The following INSYN2B variants were observed in gnomAD, a reference collection of about 807,000 sequenced individuals.
INSYN2B encodes protein INSYN2B.
Under a neutral mutation model 41.2 loss-of-function variants are expected in INSYN2B, and 16 were observed. That is an observed-to-expected ratio of 0.39 (90% CI 0.26 to 0.59). The LOEUF (loss-of-function observed/expected upper bound fraction) is 0.59, where lower values mean the gene tolerates loss of function less well. Ranked by LOEUF, INSYN2B falls within the 20% of genes least tolerant of loss-of-function variation. The probability of loss-of-function intolerance (pLI) is 0.57; values close to 1 mark genes in which losing one functional copy is unlikely to be tolerated. For missense variants in INSYN2B, 608 were observed against 646.4 expected (o/e 0.94, Z 0.64); for synonymous variants, 245 against 244.4 (o/e 1.00, Z -0.02).
At chr5:169,887,945 G>T (rs72842517) in intron 1 of INSYN2B, among the ~76,000 whole-genome samples, 1,933 of 152,284 alleles carry the variant, frequency 0.013, 20 homozygotes, top group Non-Finnish European at 0.019. Context: ...AAGTAGAAAA[G>T]AAATTGTATC....
chr5:169,908,507 T>G (rs1367048368), intron 1 of INSYN2B, among the ~76,000 whole-genome samples: 2 of 152,022 alleles, frequency 1.3e-5, no homozygotes, highest in Non-Finnish European at 2.9e-5. Context: ...AATAGAGAAA[T>G]GAACACAAAT....
intron 1 of INSYN2B, among the ~76,000 whole-genome samples, chr5:169,936,327 G>A (rs1195656291): frequency 6.6e-6 from 1 of 152,062 alleles, no homozygotes; most frequent in Non-Finnish European, 1.5e-5. Context: ...GGGTTCCTAG[G>A]GCAAAACATT....
At chr5:169,947,853 T>C (rs1776507452) in intron 1 of INSYN2B, among the ~76,000 whole-genome samples, 1 of 151,772 alleles carries the variant, frequency 6.6e-6, no homozygotes, top group Non-Finnish European at 1.5e-5. Context: ...ACCTACAGCA[T>C]ACATGGTGCC....
intron 1 of INSYN2B, among the ~76,000 whole-genome samples, chr5:169,957,018 G>A (rs1776896384): frequency 6.6e-6 from 1 of 151,828 alleles, no homozygotes; most frequent in South Asian, 2.1e-4. Flanking sequence ...CATTGTTCTG[G>A]AGAGTTTATT....
intron 1 of INSYN2B, among the ~76,000 whole-genome samples, chr5:169,914,888 A>G (rs1485566570): frequency 6.6e-6 from 1 of 152,242 alleles, no homozygotes; most frequent in East Asian, 1.9e-4. Flanking sequence ...AGACTGACAT[A>G]ACTGTTGTTG....
At chr5:169,971,694 C>T (rs1777514558) in intron 1 of INSYN2B, among the ~76,000 whole-genome samples, 1 of 152,196 alleles carries the variant, frequency 6.6e-6, no homozygotes, top group Admixed American at 6.5e-5. Context: ...TTCTTTAGTT[C>T]TCAAGACCTC....
chr5:169,954,312 A>T (rs1189704483), intron 1 of INSYN2B, among the ~76,000 whole-genome samples: 4 of 152,274 alleles, frequency 2.6e-5, no homozygotes, highest in African/African-American at 7.2e-5. Flanking sequence ...GTGTAATAAA[A>T]TTTTTATGAA....
chr5:169,954,482 C>A lies in INSYN2B; in HGVS notation c.-919+25795G>T. Among the ~76,000 whole-genome samples, 2 of 152,206 alleles carry A rather than the reference C, an allele frequency of 1.3e-5. 1 individual carries two copies. The highest frequency in any genetic ancestry group is 2.9e-5 in the Non-Finnish European group (2 of 68,044). ...AGGTAAGGCAATAGATGAAGGCAGTCAGGCAGGGACCAGAAAGACCTCTTG... is the reference window on the plus strand; with the variant it reads ...AGGTAAGGCAATAGATGAAGGCAGTAAGGCAGGGACCAGAAAGACCTCTTG... On this transcript the variant is annotated intron_variant, in intron 1 of 3. Transcript: ENST00000377365.
At chr5:169,901,923 A>G (rs1406467360) in intron 1 of INSYN2B, among the ~76,000 whole-genome samples, 1 of 152,134 alleles carries the variant, frequency 6.6e-6, no homozygotes, top group Non-Finnish European at 1.5e-5. Flanking sequence ...GGCTCTGGGG[A>G]CCACAGTGCC....
intron 1 of INSYN2B, among the ~76,000 whole-genome samples, chr5:169,956,077 T>A (rs1467823025): frequency 1.3e-5 from 2 of 149,318 alleles, no homozygotes; most frequent in Non-Finnish European, 3.0e-5. Flanking sequence ...GGGTCTGGAG[T>A]CTGGGTTATC....
In INSYN2B at chr5:169,976,300, T is replaced by A. The variant is rs371536202; in HGVS notation, c.-919+3977A>T. ...GAGTCGGAAAGGCCTAAATTTTAGG[T>A]CCTATGTCACCATATACTAAAAGTC... On this transcript the variant is annotated intron_variant, in intron 1 of 3. Coordinates refer to ENST00000377365, the MANE Select transcript of INSYN2B (RefSeq NM_001129891.3). Among the ~76,000 whole-genome samples the A allele has an allele frequency of 1.4e-4, 21 of 152,260 alleles. No individual in the cohort carries two copies. In the South Asian group the frequency reaches 4.4e-3, roughly 32 times the overall value.
chr5:169,911,816 G>T (rs894521728), intron 1 of INSYN2B, among the ~76,000 whole-genome samples: 1 of 152,208 alleles, frequency 6.6e-6, no homozygotes, highest in African/African-American at 2.4e-5. Context: ...TCCACGGAAA[G>T]CCTAGATGCC....
intron 1 of INSYN2B, among the ~76,000 whole-genome samples, chr5:169,911,589 C>T (rs1302793828): frequency 6.6e-6 from 1 of 152,178 alleles, no homozygotes; most frequent in Non-Finnish European, 1.5e-5. Context: ...ACATAATACC[C>T]TTCAGGCTTC....
At chr5:169,871,119 C>T (rs75935572) in intron 3 of INSYN2B, among the ~76,000 whole-genome samples, 2 of 152,104 alleles carry the variant, frequency 1.3e-5, no homozygotes, top group East Asian at 3.9e-4. Context: ...AAGTTCATGA[C>T]CTAATCACCT....
chr5:169,966,924 A>G (rs1185476352), intron 1 of INSYN2B, among the ~76,000 whole-genome samples: 1 of 152,206 alleles, frequency 6.6e-6, no homozygotes, highest in Non-Finnish European at 1.5e-5. Context: ...GCGCCATCAA[A>G]TTAGACTTAA....
chr5:169,948,687 C>T (rs1028262029), intron 1 of INSYN2B, among the ~76,000 whole-genome samples: 5 of 150,360 alleles, frequency 3.3e-5, no homozygotes, highest in Admixed American at 2.0e-4. Flanking sequence ...GATTATGGCT[C>T]ACTGCAGTCT....
At chr5:169,879,127 C>G (rs1041823205) in intron 3 of INSYN2B, among the ~76,000 whole-genome samples, 2 of 152,140 alleles carry the variant, frequency 1.3e-5, no homozygotes, top group Admixed American at 6.6e-5. Context: ...CTTAGGAAAC[C>G]GTATGCATGG....
intron 1 of INSYN2B, among the ~76,000 whole-genome samples, chr5:169,928,594 C>T (rs559824777): frequency 6.6e-6 from 1 of 152,272 alleles, no homozygotes; most frequent in African/African-American, 2.4e-5. Flanking sequence ...GCCAAGAAAG[C>T]ATGGAAAGGA....
intron 1 of INSYN2B, among the ~76,000 whole-genome samples, chr5:169,897,198 T>C (rs1213229072): frequency 6.6e-6 from 1 of 152,010 alleles, no homozygotes; most frequent in African/African-American, 2.4e-5. Context: ...TGAGCTCTTT[T>C]TTTTTGAGAC....
Sources: allele counts gnomAD v4.1 joint callset (sites outside exome capture counted in the v4.1 genomes callset), GRCh38; gene constraint gnomAD v4.1.1; transcripts MANE v1.5; gene names NCBI Gene and HGNC (gene_info 2026-07-23, HGNC 2026-07-21).